GRAMD1B: variants seen among roughly 807,000 people sequenced by gnomAD.
GRAMD1B encodes GRAM domain containing 1B.
Under a neutral mutation model 99.7 loss-of-function variants are expected in GRAMD1B, and 37 were observed. That is an observed-to-expected ratio of 0.37 (90% CI 0.29 to 0.49). The LOEUF is 0.49. Ranked by LOEUF, GRAMD1B falls within the 20% of genes least tolerant of loss-of-function variation. GRAMD1B has a pLI of 0.98. For missense variants in GRAMD1B, 888 were observed against 1,009.2 expected (o/e 0.88, Z 1.63); for synonymous variants, 427 against 387.6 (o/e 1.10, Z -1.19).
chr11:123,572,877 G>T (rs1185392969), intron 2 of GRAMD1B, among the ~76,000 whole-genome samples: 1 of 149,800 alleles, frequency 6.7e-6, no homozygotes, highest in Non-Finnish European at 1.5e-5. Flanking sequence ...GGTAGGCCCC[G>T]ATGGCTGGGA....
At chr11:123,548,281 G>A (rs1945210858) in intron 2 of GRAMD1B, among the ~76,000 whole-genome samples, 2 of 118,320 alleles carry the variant, frequency 1.7e-5, no homozygotes, top group East Asian at 5.1e-4. Context: ...GAAGAGTCAG[G>A]CTGTGCCAAA....
intron 1 of GRAMD1B, among the ~76,000 whole-genome samples, chr11:123,368,679 C>CAAAA (rs58877377): frequency 6.4e-4 from 50 of 77,906 alleles, no homozygotes; most frequent in African/African-American, 2.1e-3. Flanking sequence ...GACTCTGTCT[C>CAAAA]AAAAAAAAAA....
intron 1 of GRAMD1B, among the ~76,000 whole-genome samples, chr11:123,461,568 C>A (rs1472085413): frequency 6.6e-6 from 1 of 152,192 alleles, no homozygotes; most frequent in Non-Finnish European, 1.5e-5. Flanking sequence ...TGGTTTCTTC[C>A]CCAGCTGGTT....
At chr11:123,398,259 A>G (rs1020373239) in intron 1 of GRAMD1B, among the ~76,000 whole-genome samples, 1 of 152,238 alleles carries the variant, frequency 6.6e-6, no homozygotes, top group African/African-American at 2.4e-5. Flanking sequence ...ACAGTTCTGG[A>G]GGCTGGAAAG....
At chr11:123,579,499 C>T (rs918279230) in intron 3 of GRAMD1B, among the ~76,000 whole-genome samples, 10 of 152,188 alleles carry the variant, frequency 6.6e-5, no homozygotes, top group Non-Finnish European at 1.0e-4. Flanking sequence ...GCGAGGAAGC[C>T]AGCAGGAGAT....
At chr11:123,442,685 G>T (rs1263936713) in intron 1 of GRAMD1B, among the ~76,000 whole-genome samples, 1 of 152,228 alleles carries the variant, frequency 6.6e-6, no homozygotes, top group East Asian at 1.9e-4. Flanking sequence ...TGGGAGAATT[G>T]CTTGAACCTG....
At chr11:123,431,980 G>C (rs1311898754) in intron 1 of GRAMD1B, 1 of 398,226 alleles carries the variant, frequency 2.5e-6, no homozygotes, top group African/African-American at 2.1e-5. Context: ...CTTGTTCATC[G>C]GTACCACGAA....
chr11:123,407,201 C>A (rs904297616), intron 1 of GRAMD1B, among the ~76,000 whole-genome samples: 13 of 152,070 alleles, frequency 8.5e-5, no homozygotes, highest in Non-Finnish European at 2.9e-5. Flanking sequence ...GAAAGGTGAG[C>A]TGATCTGAAA....
intron 1 of GRAMD1B, among the ~76,000 whole-genome samples, chr11:123,378,386 G>T (rs914800734): frequency 5.3e-5 from 8 of 152,316 alleles, no homozygotes; most frequent in East Asian, 3.9e-4. Context: ...TGGAAGGGTT[G>T]TGCTAGGTGT....
At chr11:123,417,796 G>C (rs917933362) in intron 1 of GRAMD1B, among the ~76,000 whole-genome samples, 5 of 152,172 alleles carry the variant, frequency 3.3e-5, no homozygotes, top group African/African-American at 1.2e-4. Flanking sequence ...AATGAGTCTG[G>C]TGTGGTAGTG....
At chr11:123,565,202 C>CTTT (rs59084399) in intron 2 of GRAMD1B, among the ~76,000 whole-genome samples, 144 of 126,220 alleles carry the variant, frequency 1.1e-3, no homozygotes, top group Non-Finnish European at 1.9e-3. Flanking sequence ...CTGGCTAATT[C>CTTT]TTTTTTTTTT....
rs1234388800 is a variant in GRAMD1B at position 123,536,824 on chromosome 11, T to C, written c.453-40543T>C. On this transcript the variant is annotated intron_variant, in intron 2 of 19. Transcript: ENST00000635736. The stretch of plus-strand genomic sequence containing the variant: ...TCATTGCTGGAGCTCTTCCAACTCC[T>C]GTCCCACAAGGTTATGGTCACTTGA... Among the ~76,000 whole-genome samples, 4 of 152,278 alleles carry C rather than the reference T, an allele frequency of 2.6e-5. No individual in the cohort carries two copies. The East Asian group carries it at 5.8e-4, about 22-fold the overall frequency.
intron 1 of GRAMD1B, among the ~76,000 whole-genome samples, chr11:123,437,891 C>A (rs1419608376): frequency 6.6e-6 from 1 of 152,208 alleles, no homozygotes; most frequent in African/African-American, 2.4e-5. Flanking sequence ...TGCTCTCCCC[C>A]TCAGCCCCCG....
In GRAMD1B at chr11:123,404,230, G is replaced by A. The variant is rs947676576; in HGVS notation, c.-176+45431G>A. On this transcript the variant is annotated intron_variant, in intron 1 of 20. Coordinates refer to the GRAMD1B transcript ENST00000638157. ...GCCTGATTGTCTCTCTTTTTGTGGC[G>A]TGAGCAGTGATTACTGTTCCATGTG... Among the ~76,000 whole-genome samples, 130 of 152,236 alleles carry A rather than the reference G, an allele frequency of 8.5e-4. 3 individuals carry two copies. The highest frequency in any genetic ancestry group is 8.0e-3 in the Admixed American group (122 of 15,294).
intron 2 of GRAMD1B, among the ~76,000 whole-genome samples, chr11:123,557,641 A>T (rs905192894): frequency 6.6e-5 from 10 of 152,262 alleles, no homozygotes; most frequent in Non-Finnish European, 1.5e-5. Flanking sequence ...CACATGTTCC[A>T]TTAAGATTGA....
At chr11:123,594,923 C>G in intron 6 of GRAMD1B, 85 bp downstream of exon 6, 1 of 766,844 alleles carries the variant, frequency 1.3e-6, no homozygotes, top group African/African-American at 1.7e-5. Context: ...TTGCTGACTT[C>G]ATGCTCTTCC....
At chr11:123,590,847 G>T (rs1950571941) in intron 4 of GRAMD1B, among the ~76,000 whole-genome samples, 1 of 152,170 alleles carries the variant, frequency 6.6e-6, no homozygotes, top group African/African-American at 2.4e-5. Context: ...TGGGCATTCG[G>T]TTCCTTTGCT....
At chr11:123,600,672 C>T in intron 8 of GRAMD1B, 124 bp downstream of exon 8, 2 of 602,476 alleles carry the variant, frequency 3.3e-6, no homozygotes, top group East Asian at 2.9e-5. Context: ...GGCCTGAGTC[C>T]TGAAAGTAGC....
chr11:123,608,779 T>C lies in GRAMD1B; in HGVS notation c.1634T>C (p.Phe545Ser). ...ACCAACTCGCCCTTCCAGCGGGATT[T>C]CATGGAGCAGCGGCGCTTCTCTGGT... ...LFTNSPFQRDFMEQRRFSDII... is the reference protein window; with the variant it reads ...LFTNSPFQRDSMEQRRFSDII... Residue 545 changes from phenylalanine to serine, a missense_variant, in exon 12 of 20, where the codon TTC (phenylalanine) becomes TCC (serine). Coordinates refer to ENST00000635736, the MANE Select transcript of GRAMD1B (RefSeq NM_001387025.1). 6.4e-7 allele frequency: 1 copy of C among 1,551,166 alleles called. No homozygotes were observed. Among genetic ancestry groups the C allele is most frequent in the Non-Finnish European group, 8.7e-7 (1 of 1,146,874 alleles).
Sources: gnomAD v4.1 joint callset for allele counts (sites outside exome capture counted in the v4.1 genomes callset) on GRCh38, gnomAD v4.1.1 for gene constraint, MANE v1.5 for transcripts, NCBI Gene and HGNC (gene_info 2026-07-23, HGNC 2026-07-21) for gene names.